The following RELN variants were observed in gnomAD, a reference collection of about 807,000 sequenced individuals.
The protein encoded by RELN is reelin.
In RELN, 108 loss-of-function variants were observed where a neutral mutation model predicts 427.6. That is an observed-to-expected ratio of 0.25 (90% confidence interval 0.22 to 0.30). The LOEUF (loss-of-function observed/expected upper bound fraction) is 0.30, where lower values mean the gene tolerates loss of function less well. Among genes scored for constraint, RELN ranks in the 10% least tolerant of loss-of-function variants. The probability of loss-of-function intolerance (pLI) is 1.00; values close to 1 mark genes in which losing one functional copy is unlikely to be tolerated. For synonymous variants in RELN, 1,524 were observed against 1,513.4 expected (o/e 1.01, Z -0.16); for missense variants, 3,715 against 4,302.8 (o/e 0.86, Z 3.82).
chr7:103,799,590 C>T (rs1429056872), intron 3 of RELN, among the ~76,000 whole-genome samples: 2 of 152,174 alleles, frequency 1.3e-5, no homozygotes, highest in African/African-American at 4.8e-5. Flanking sequence ...CCTTAGTCAT[C>T]CCAAGATGTG....
intron 17 of RELN, among the ~76,000 whole-genome samples, chr7:103,637,759 A>G (rs914454953): frequency 6.6e-6 from 1 of 152,214 alleles, no homozygotes; most frequent in East Asian, 1.9e-4. Context: ...CCAAAAAAGA[A>G]TTTTTAAAAT....
At chr7:103,485,372 ATAT>A (rs1828397974) in intron 61 of RELN, among the ~76,000 whole-genome samples, 1 of 152,118 alleles carries the variant, frequency 6.6e-6, no homozygotes, top group Non-Finnish European at 1.5e-5. Context: ...TACAACACTA[ATAT>A]TATATTTTCC....
At chr7:103,799,532 C>G (rs1792392657) in intron 3 of RELN, among the ~76,000 whole-genome samples, 1 of 152,260 alleles carries the variant, frequency 6.6e-6, no homozygotes, top group Non-Finnish European at 1.5e-5. Flanking sequence ...CACATGCTGT[C>G]CAATTATGTC....
chr7:103,514,664 A>G (rs892825326), intron 50 of RELN, among the ~76,000 whole-genome samples: 11 of 152,146 alleles, frequency 7.2e-5, no homozygotes, highest in African/African-American at 2.7e-4. Flanking sequence ...ACTTAAAAAA[A>G]AGAGAGGAGT....
intron 2 of RELN, among the ~76,000 whole-genome samples, chr7:103,861,316 G>C (rs1471169930): frequency 6.6e-6 from 1 of 152,070 alleles, no homozygotes; most frequent in African/African-American, 2.4e-5. Context: ...TCAAAATGAG[G>C]AAAGAATGCA....
At chr7:103,586,853 T>C (rs1010652057) in intron 28 of RELN, among the ~76,000 whole-genome samples, 1 of 150,066 alleles carries the variant, frequency 6.7e-6, no homozygotes, top group African/African-American at 2.5e-5. Flanking sequence ...CAAGGAAAAC[T>C]AGAAAACACT....
chr7:103,529,276 G>A (rs1280888979), intron 46 of RELN, among the ~76,000 whole-genome samples: 2 of 152,188 alleles, frequency 1.3e-5, no homozygotes, highest in African/African-American at 2.4e-5. Flanking sequence ...CAGACATTAA[G>A]TAGCTTCCAC....
intron 3 of RELN, among the ~76,000 whole-genome samples, chr7:103,797,698 C>T (rs1227628037): frequency 6.6e-6 from 1 of 152,040 alleles, no homozygotes; most frequent in South Asian, 2.1e-4. Flanking sequence ...TACCAACCAA[C>T]CCTATTATGA....
chr7:103,733,847 G>A (rs962030567), intron 6 of RELN, among the ~76,000 whole-genome samples: 4 of 151,612 alleles, frequency 2.6e-5, no homozygotes, highest in South Asian at 2.1e-4. Flanking sequence ...GCTAGATGAC[G>A]AGTTAGTGGG....
rs773617975 is a variant in RELN at position 103,491,959 on chromosome 7, T to A, written c.9437A>T (p.Asp3146Val). ...TAAAAATTATTTCACAAACCTTGCA[T>A]CCTTAGTGTATTCCAGCATTACGGA... ...LHSVMLEYTK[D>V]ARSDSWQLVQ... Residue 3146 changes from aspartate to valine, a missense_variant, in exon 58 of 65, where the codon GAT becomes GTT. Physicochemically the swap from Asp to Val is radical, Grantham distance 152. Transcript: ENST00000428762. 6.2e-7 allele frequency: 1 copy of A among 1,606,010 alleles called. No individual in the cohort carries two copies. Among genetic ancestry groups the A allele is most frequent in the Middle Eastern group, 1.7e-4 (1 of 6,022 alleles).
chr7:103,852,088 T>C (rs925753323), intron 2 of RELN, among the ~76,000 whole-genome samples: 1 of 152,202 alleles, frequency 6.6e-6, no homozygotes, highest in African/African-American at 2.4e-5. Flanking sequence ...ACCTGATTAA[T>C]ACACCCTTTT....
chr7:103,630,933 TAGAA>T, intron 19 of RELN, among the ~76,000 whole-genome samples: 1 of 150,800 alleles, frequency 6.6e-6, no homozygotes, highest in East Asian at 2.0e-4. Flanking sequence ...TTGAATAACT[TAGAA>T]AGAAATTATT....
At chr7:103,715,214 TA>T (rs1406531125) in intron 8 of RELN, among the ~76,000 whole-genome samples, 1 of 152,104 alleles carries the variant, frequency 6.6e-6, no homozygotes, top group Non-Finnish European at 1.5e-5. Flanking sequence ...AAGCATCTAC[TA>T]AAAATGGATA....
At chr7:103,933,514 G>A (rs1053517554) in intron 1 of RELN, among the ~76,000 whole-genome samples, 20 of 145,048 alleles carry the variant, frequency 1.4e-4, no homozygotes, top group African/African-American at 3.5e-4. Flanking sequence ...AGGGAGGGAG[G>A]GAGGGGAAGA....
intron 2 of RELN, among the ~76,000 whole-genome samples, chr7:103,895,804 G>A (rs1399581207): frequency 2.0e-5 from 3 of 151,706 alleles, no homozygotes; most frequent in African/African-American, 4.8e-5. Flanking sequence ...CTTACTAGAC[G>A]GCATACAGAA....
At chr7:103,676,898 A>G (rs9770578) in intron 11 of RELN, among the ~76,000 whole-genome samples, 7,733 of 151,838 alleles carry the variant, frequency 0.051, 658 homozygotes, top group African/African-American at 0.18. Flanking sequence ...ATGGGGTGGG[A>G]GCAGGGGGGA....
intron 63 of RELN, among the ~76,000 whole-genome samples, chr7:103,480,452 G>A (rs1166728179): frequency 6.6e-6 from 1 of 152,164 alleles, no homozygotes; most frequent in Non-Finnish European, 1.5e-5. Flanking sequence ...ACTAATGAAT[G>A]CCTTAAAACT....
intron 16 of RELN, among the ~76,000 whole-genome samples, chr7:103,645,377 C>CA (rs985602324): frequency 1.3e-5 from 2 of 151,530 alleles, no homozygotes; most frequent in African/African-American, 4.8e-5. Flanking sequence ...ATACTGCTTA[C>CA]AAAAAATCCC....
intron 4 of RELN, among the ~76,000 whole-genome samples, chr7:103,755,893 C>A (rs934729338): frequency 6.7e-6 from 1 of 149,722 alleles, no homozygotes; most frequent in Non-Finnish European, 1.5e-5. Context: ...TCTCTGTATT[C>A]ATGTTATAAA....
Sources: gnomAD v4.1 joint callset for allele counts (sites outside exome capture counted in the v4.1 genomes callset) on GRCh38, gnomAD v4.1.1 for gene constraint, MANE v1.5 for transcripts, NCBI Gene and HGNC (gene_info 2026-07-23, HGNC 2026-07-21) for gene names.